GALNTL6: variants seen among roughly 807,000 people sequenced by gnomAD.
GALNTL6 encodes the protein polypeptide N-acetylgalactosaminyltransferase-like 6.
Under a neutral mutation model 73.7 loss-of-function variants are expected in GALNTL6, and 46 were observed. The ratio of observed to expected loss-of-function variants is 0.62; its 90% CI spans 0.49 to 0.80. GALNTL6 has a LOEUF of 0.80. GALNTL6 is among the 30% of genes least tolerant of loss of function. GALNTL6 has a pLI of 0.00. For synonymous variants in GALNTL6, 259 were observed against 263.7 expected, an observed-to-expected ratio of 0.98 and a Z score of 0.17; for missense variants, 604 against 755.0, an observed-to-expected ratio of 0.80 and a Z score of 2.34.
rs372107330 is a variant in GALNTL6 at position 173,009,312 on chromosome 4, A to G, written c.1488+18A>G. 2.9e-5 allele frequency: 43 copies of G among 1,502,864 alleles called. No homozygotes were observed. The highest frequency in any genetic ancestry group is 4.0e-5 in the Non-Finnish European group (43 of 1,078,816). The allele number at this position is 1,502,864 out of a possible 1,614,324, so 93.1% of individuals were successfully genotyped here. ...ATGAACAGGTGAGTCACCTCCCAGA[A>G]GCCAGGGCAGTGGGAACCAGTCGGG... On this transcript the variant is annotated intron_variant, in intron 11 of 12. Transcript: ENST00000506823.
At chr4:173,010,584 T>TA (rs1752502834) in intron 11 of GALNTL6, among the ~76,000 whole-genome samples, 1 of 151,006 alleles carries the variant, frequency 6.6e-6, no homozygotes, top group African/African-American at 2.5e-5. Context: ...TTTTTTTTGT[T>TA]GTTTTTTTTG....
At chr4:172,245,152 C>T (rs1234701333) in intron 3 of GALNTL6, among the ~76,000 whole-genome samples, 1 of 152,164 alleles carries the variant, frequency 6.6e-6, no homozygotes, top group Non-Finnish European at 1.5e-5. Context: ...TCATTTTCCT[C>T]AGGTCTTTTG....
intron 10 of GALNTL6, among the ~76,000 whole-genome samples, chr4:172,955,100 A>G (rs1749648823): frequency 6.6e-6 from 1 of 152,208 alleles, no homozygotes; most frequent in Non-Finnish European, 1.5e-5. Flanking sequence ...GCAGGAGGCA[A>G]GTGAAGGATT....
chr4:172,917,664 G>C (rs1747593547), intron 8 of GALNTL6, among the ~76,000 whole-genome samples: 1 of 152,174 alleles, frequency 6.6e-6, no homozygotes, highest in Non-Finnish European at 1.5e-5. Context: ...ATCATCACTG[G>C]CCATCAGAGA....
chr4:172,514,698 C>T (rs546087071), intron 5 of GALNTL6, among the ~76,000 whole-genome samples: 26 of 152,326 alleles, frequency 1.7e-4, no homozygotes, highest in Admixed American at 8.5e-4. Context: ...CCACTGGCAA[C>T]GCTCCCCAAG....
chr4:172,134,277 C>T (rs903729661), intron 2 of GALNTL6, among the ~76,000 whole-genome samples: 38 of 151,680 alleles, frequency 2.5e-4, no homozygotes, highest in African/African-American at 8.7e-4. Flanking sequence ...CCCAGCTACT[C>T]GGGAGGCTGA....
chr4:171,963,121 T>G (rs1458149847), intron 2 of GALNTL6, among the ~76,000 whole-genome samples: 2 of 151,666 alleles, frequency 1.3e-5, no homozygotes, highest in African/African-American at 2.4e-5. Flanking sequence ...ATCTAAGAAG[T>G]GCATCATTTT....
chr4:172,824,448 T>C (rs1171307473), intron 7 of GALNTL6, among the ~76,000 whole-genome samples: 1 of 151,706 alleles, frequency 6.6e-6, no homozygotes, highest in Non-Finnish European at 1.5e-5. Flanking sequence ...TAATAATAAA[T>C]TGGGATCAGG....
intron 2 of GALNTL6, among the ~76,000 whole-genome samples, chr4:171,988,714 G>A (rs982525868): frequency 6.6e-6 from 1 of 152,204 alleles, no homozygotes; most frequent in African/African-American, 2.4e-5. Context: ...AAAAGGCCAT[G>A]CTGTAACAGG....
intron 5 of GALNTL6, among the ~76,000 whole-genome samples, chr4:172,563,868 T>A (rs151081797): frequency 1.1e-3 from 175 of 152,324 alleles, no homozygotes; most frequent in African/African-American, 4.0e-3. Context: ...AAACATTTAA[T>A]GCTTTAACAC....
chr4:172,887,457 G>A (rs1363794547), intron 8 of GALNTL6, among the ~76,000 whole-genome samples: 1 of 152,016 alleles, frequency 6.6e-6, no homozygotes, highest in Non-Finnish European at 1.5e-5. Flanking sequence ...CCCAGTGGCT[G>A]AACTAATTTA....
intron 5 of GALNTL6, among the ~76,000 whole-genome samples, chr4:172,368,041 C>T (rs1469757564): frequency 6.6e-6 from 1 of 152,050 alleles, no homozygotes; most frequent in Non-Finnish European, 1.5e-5. Flanking sequence ...TATTATGAAA[C>T]TTTAAAAAAT....
At chr4:172,226,734 T>C (rs963262041) in intron 2 of GALNTL6, among the ~76,000 whole-genome samples, 1 of 152,114 alleles carries the variant, frequency 6.6e-6, no homozygotes, top group African/African-American at 2.4e-5. Flanking sequence ...TGTATCTTTT[T>C]CCTTCTGTCT....
chr4:171,836,414 A>G (rs1735096471), intron 2 of GALNTL6, among the ~76,000 whole-genome samples: 1 of 152,034 alleles, frequency 6.6e-6, no homozygotes, highest in Admixed American at 6.6e-5. Flanking sequence ...ATAATTATTT[A>G]TTAAGAAATA....
chr4:172,957,721 T>TAG (rs1420075373), intron 10 of GALNTL6, among the ~76,000 whole-genome samples: 1 of 152,192 alleles, frequency 6.6e-6, no homozygotes, highest in African/African-American at 2.4e-5. Context: ...AAGGCATATT[T>TAG]AGAGTCAGTA....
At chr4:173,016,293 G>A (rs866688088) in intron 11 of GALNTL6, among the ~76,000 whole-genome samples, 41 of 152,140 alleles carry the variant, frequency 2.7e-4, no homozygotes, top group African/African-American at 9.9e-4. Context: ...GGGAGAAGAG[G>A]GCCACCATCC....
intron 7 of GALNTL6, among the ~76,000 whole-genome samples, chr4:172,838,775 G>A (rs915141079): frequency 3.3e-5 from 5 of 152,022 alleles, no homozygotes; most frequent in Admixed American, 2.0e-4. Context: ...GACTCCACTC[G>A]ACAGCCTGTT....
At chr4:172,705,580 T>G (rs1260226057) in intron 5 of GALNTL6, among the ~76,000 whole-genome samples, 1 of 152,114 alleles carries the variant, frequency 6.6e-6, no homozygotes, top group Non-Finnish European at 1.5e-5. Flanking sequence ...CTTTTTCCAA[T>G]GATTTTTATA....
intron 5 of GALNTL6, among the ~76,000 whole-genome samples, chr4:172,447,057 T>C (rs1005014661): frequency 5.3e-5 from 8 of 152,132 alleles, no homozygotes; most frequent in African/African-American, 1.9e-4. Flanking sequence ...TTGGAGGATC[T>C]TATAGTTTTG....
Sources: allele counts gnomAD v4.1 joint callset (sites outside exome capture counted in the v4.1 genomes callset), GRCh38; gene constraint gnomAD v4.1.1; transcripts MANE v1.5; gene names NCBI Gene and HGNC (gene_info 2026-07-23, HGNC 2026-07-21).